EYS: variants seen among roughly 807,000 people sequenced by gnomAD.
EYS encodes protein eyes shut homolog.
EYS carries 250 observed loss-of-function variants against 282.1 expected under a neutral mutation model. That is an observed-to-expected ratio of 0.89 (90% CI 0.80 to 0.98). EYS has a LOEUF of 0.98. Among genes scored for constraint, EYS ranks in the 50% least tolerant of loss-of-function variants. The pLI is 0.00. For synonymous variants in EYS, 1,355 were observed against 1,282.9 expected (o/e 1.06, Z -1.20); for missense variants, 4,016 against 3,709.0 (o/e 1.08, Z -2.15).
intron 11 of EYS, among the ~76,000 whole-genome samples, chr6:65,301,908 G>T (rs1450903847): frequency 1.3e-5 from 2 of 152,222 alleles, no homozygotes; most frequent in South Asian, 4.1e-4. Flanking sequence ...TTAGGATTTG[G>T]GGATATTCCC....
intron 22 of EYS, among the ~76,000 whole-genome samples, chr6:64,737,133 C>G (rs1252859563): frequency 6.6e-6 from 1 of 152,062 alleles, no homozygotes; most frequent in African/African-American, 2.4e-5. Context: ...GCATGAAGAC[C>G]AATATCATTT....
chr6:64,074,457 A>G (rs1771696256), intron 32 of EYS, among the ~76,000 whole-genome samples: 1 of 151,340 alleles, frequency 6.6e-6, no homozygotes, highest in Non-Finnish European at 1.5e-5. Context: ...GGAATTTGCT[A>G]AACATGGATA....
intron 31 of EYS, among the ~76,000 whole-genome samples, chr6:64,111,762 A>G (rs768606581): frequency 6.6e-6 from 1 of 152,058 alleles, no homozygotes; most frequent in Non-Finnish European, 1.5e-5. Flanking sequence ...CATGGAGATG[A>G]CAGATACCCA....
Position 64,796,415 on chromosome 6 carries a change from A to G in EYS, c.3443+16963T>C, listed in dbSNP as rs182833955. 2.3e-4 allele frequency among the ~76,000 whole-genome samples: 35 copies of G among 152,308 alleles called. 2 individuals are homozygous for G. The highest frequency in any genetic ancestry group is 2.2e-3 in the Admixed American group (33 of 15,294). On this transcript the variant is annotated intron_variant, in intron 22 of 42. Coordinates refer to ENST00000503581, the MANE Select transcript of EYS (RefSeq NM_001142800.2). ...GACCAGCAGTGTGTTCTAAAAACCCATTAAGGGGAGAGGATATAAGACAGT... is the reference window on the plus strand; with the variant it reads ...GACCAGCAGTGTGTTCTAAAAACCCGTTAAGGGGAGAGGATATAAGACAGT...
chr6:65,450,401 G>C (rs1359142354), intron 5 of EYS, among the ~76,000 whole-genome samples: 1 of 152,114 alleles, frequency 6.6e-6, no homozygotes, highest in Non-Finnish European at 1.5e-5. Flanking sequence ...TTTACGAGAT[G>C]TTACAGATTG....
chr6:65,021,761 G>A (rs886282628), intron 13 of EYS, among the ~76,000 whole-genome samples: 3 of 152,198 alleles, frequency 2.0e-5, no homozygotes, highest in Admixed American at 6.5e-5. Flanking sequence ...AAGGGAAAGA[G>A]GTTTAAGTGA....
chr6:64,665,784 T>A (rs1055982119), intron 22 of EYS, among the ~76,000 whole-genome samples: 3 of 152,186 alleles, frequency 2.0e-5, no homozygotes. Context: ...TCTTACTGTT[T>A]TCCAAAGCTG....
intron 35 of EYS, among the ~76,000 whole-genome samples, chr6:63,948,134 G>A (rs983934944): frequency 3.3e-5 from 5 of 152,112 alleles, no homozygotes; most frequent in Non-Finnish European, 7.4e-5. Flanking sequence ...CAAAGAAAAT[G>A]AAAAGATCTT....
intron 1 of EYS, among the ~76,000 whole-genome samples, chr6:65,696,985 G>T (rs1355514035): frequency 6.6e-6 from 1 of 151,862 alleles, no homozygotes; most frequent in Non-Finnish European, 1.5e-5. Context: ...GTTTTTGTTA[G>T]GATACCAAAG....
At chr6:64,650,013 C>A (rs6902619) in intron 22 of EYS, among the ~76,000 whole-genome samples, 97,262 of 151,846 alleles carry the variant, frequency 0.64, 31,360 homozygotes, top group African/African-American at 0.71. Flanking sequence ...TTTTAAAATC[C>A]AAATTTAATA....
intron 13 of EYS, among the ~76,000 whole-genome samples, chr6:65,050,935 T>G (rs1309551329): frequency 1.3e-5 from 2 of 151,714 alleles, no homozygotes; most frequent in African/African-American, 4.8e-5. Context: ...CTTCTTTGTT[T>G]ACTTTCTTTT....
chr6:64,293,724 C>A (rs977039150), intron 30 of EYS, among the ~76,000 whole-genome samples: 2 of 151,912 alleles, frequency 1.3e-5, no homozygotes, highest in Admixed American at 1.3e-4. Context: ...GTATTTTATT[C>A]TTTTCTCTGA....
intron 22 of EYS, among the ~76,000 whole-genome samples, chr6:64,810,964 A>G (rs9453056): frequency 6.6e-6 from 1 of 152,126 alleles, no homozygotes; most frequent in Admixed American, 6.6e-5. Flanking sequence ...TAGAGAACAC[A>G]AAATAGAACT....
intron 41 of EYS, among the ~76,000 whole-genome samples, chr6:63,760,967 T>C (rs1328418772): frequency 6.6e-6 from 1 of 151,998 alleles, no homozygotes; most frequent in Non-Finnish European, 1.5e-5. Context: ...TTGAGTACTC[T>C]GCCTTTCACT....
At chr6:64,590,006 A>G (rs571880969) in intron 26 of EYS, among the ~76,000 whole-genome samples, 1 of 152,102 alleles carries the variant, frequency 6.6e-6, no homozygotes, top group Non-Finnish European at 1.5e-5. Flanking sequence ...GCTGTCTCCA[A>G]CCTACTACTG....
intron 31 of EYS, among the ~76,000 whole-genome samples, chr6:64,186,757 T>C (rs192222919): frequency 1.4e-4 from 22 of 152,258 alleles, no homozygotes; most frequent in Middle Eastern, 3.4e-3. Context: ...GGAACGAAAC[T>C]GAAGTGGCAA....
At chr6:64,819,185 T>TAG (rs1764826536) in intron 21 of EYS, among the ~76,000 whole-genome samples, 3 of 152,090 alleles carry the variant, frequency 2.0e-5, no homozygotes, top group Admixed American at 6.6e-5. Flanking sequence ...GTAAGTAAGA[T>TAG]AGAGAGAGAT....
intron 29 of EYS, among the ~76,000 whole-genome samples, chr6:64,311,852 C>T (rs1769719518): frequency 6.6e-6 from 1 of 152,144 alleles, no homozygotes; most frequent in South Asian, 2.1e-4. Context: ...AGATACTGTG[C>T]TTTTCCCACA....
intron 14 of EYS, among the ~76,000 whole-genome samples, chr6:64,996,442 C>A (rs530885747): frequency 3.3e-4 from 50 of 152,076 alleles, no homozygotes; most frequent in Non-Finnish European, 6.5e-4. Flanking sequence ...TAAGAGCAGG[C>A]GACGAAATCT....
Sources: allele counts gnomAD v4.1 joint callset (sites outside exome capture counted in the v4.1 genomes callset), GRCh38; gene constraint gnomAD v4.1.1; transcripts MANE v1.5; gene names NCBI Gene and HGNC (gene_info 2026-07-23, HGNC 2026-07-21).